Variants in RALYL observed in about 807,000 individuals in gnomAD.
The protein encoded by RALYL is RNA-binding Raly-like protein.
RALYL carries 29 observed loss-of-function variants against 35.1 expected under a neutral mutation model. That is an observed-to-expected ratio of 0.83 (90% CI 0.61 to 1.13). The LOEUF (loss-of-function observed/expected upper bound fraction) is 1.13. Among genes scored for constraint, RALYL ranks in the 50% most tolerant of loss-of-function variants. The pLI, the probability that RALYL is intolerant of heterozygous loss-of-function variation, is 0.00. For missense variants in RALYL, 359 were observed against 360.4 expected (o/e 1.00, Z 0.03); for synonymous variants, 120 against 127.6 (o/e 0.94, Z 0.40).
At chr8:84,743,289 C>T (rs964708058) in intron 2 of RALYL, among the ~76,000 whole-genome samples, 4 of 151,916 alleles carry the variant, frequency 2.6e-5, no homozygotes, top group Non-Finnish European at 5.9e-5. Context: ...GTCCTTTCCT[C>T]TGCTTCAGAG....
intron 1 of RALYL, among the ~76,000 whole-genome samples, chr8:84,379,315 C>T (rs994776293): frequency 6.6e-6 from 1 of 151,858 alleles, no homozygotes; most frequent in Non-Finnish European, 1.5e-5. Flanking sequence ...AGGCCTAGAT[C>T]GTTTTTCACA....
chr8:84,545,944 G>C (rs2060325132), intron 2 of RALYL, among the ~76,000 whole-genome samples: 1 of 151,990 alleles, frequency 6.6e-6, no homozygotes, highest in Non-Finnish European at 1.5e-5. Flanking sequence ...GCTCCAAAAG[G>C]ACTTTGGTAT....
chr8:84,559,875 A>G (rs1442930516), intron 2 of RALYL, among the ~76,000 whole-genome samples: 2 of 151,916 alleles, frequency 1.3e-5, no homozygotes, highest in African/African-American at 2.4e-5. Context: ...GGAGGCTGCT[A>G]GGAGACACTG....
intron 4 of RALYL, among the ~76,000 whole-genome samples, chr8:84,845,802 A>G (rs545158852): frequency 9.9e-5 from 15 of 152,224 alleles, no homozygotes; most frequent in Non-Finnish European, 1.8e-4. Flanking sequence ...TATTCAATCT[A>G]TCTTGAGTCA....
At chr8:84,393,929 C>T (rs61538123) in intron 1 of RALYL, among the ~76,000 whole-genome samples, 4,530 of 152,172 alleles carry the variant, frequency 0.03, 216 homozygotes, top group African/African-American at 0.1. Flanking sequence ...TATCTACTTA[C>T]TTTATTCCTC....
intron 2 of RALYL, among the ~76,000 whole-genome samples, chr8:84,608,941 T>C (rs1221961602): frequency 1.3e-5 from 2 of 152,152 alleles, no homozygotes; most frequent in Non-Finnish European, 2.9e-5. Flanking sequence ...GCTTTTTTTT[T>C]CTTTTTTGTA....
chr8:84,805,342 C>T (rs912980001), intron 4 of RALYL, among the ~76,000 whole-genome samples: 5 of 152,168 alleles, frequency 3.3e-5, no homozygotes, highest in African/African-American at 7.2e-5. Context: ...ATAAGACGAA[C>T]GCTTGCCTGC....
At chr8:84,685,156 A>G (rs999918932) in intron 2 of RALYL, among the ~76,000 whole-genome samples, 1 of 152,160 alleles carries the variant, frequency 6.6e-6, no homozygotes. Context: ...TGGGGTTTTG[A>G]CATGGGAATG....
intron 1 of RALYL, among the ~76,000 whole-genome samples, chr8:84,231,902 T>C (rs1317987192): frequency 3.9e-5 from 6 of 152,120 alleles, no homozygotes; most frequent in Non-Finnish European, 8.8e-5. Flanking sequence ...ATCAGGAAAC[T>C]GAGAAACAAA....
chr8:84,906,890 C>A (rs1190776043), intron 8 of RALYL: 5 of 924,260 alleles, frequency 5.4e-6, no homozygotes, highest in Non-Finnish European at 6.5e-6. Flanking sequence ...CCTTGCCCTG[C>A]CTAAGGATCT....
chr8:84,341,851 T>C (rs955439145), intron 1 of RALYL, among the ~76,000 whole-genome samples: 4 of 152,004 alleles, frequency 2.6e-5, no homozygotes, highest in African/African-American at 9.6e-5. Context: ...GTAATCAATA[T>C]CTATCATTTG....
chr8:84,880,292 G>A (rs937164374), intron 7 of RALYL, among the ~76,000 whole-genome samples: 11 of 152,066 alleles, frequency 7.2e-5, no homozygotes, highest in African/African-American at 2.7e-4. Flanking sequence ...CTAAGGAAAG[G>A]ATGCTCCAGG....
intron 1 of RALYL, among the ~76,000 whole-genome samples, chr8:84,495,326 C>T (rs1242569163): frequency 6.6e-6 from 1 of 152,066 alleles, no homozygotes; most frequent in Non-Finnish European, 1.5e-5. Flanking sequence ...GGTTCTACCT[C>T]TTTTCGGGAT....
intron 6 of RALYL, among the ~76,000 whole-genome samples, chr8:84,864,219 G>GTA (rs1416776136): frequency 6.6e-6 from 1 of 151,820 alleles, no homozygotes; most frequent in Non-Finnish European, 1.5e-5. Flanking sequence ...GTGTGTGTGT[G>GTA]TAAGATGCGA....
chr8:84,372,296 T>C (rs11998502), intron 1 of RALYL, among the ~76,000 whole-genome samples: 25,700 of 151,996 alleles, frequency 0.17, 3,087 homozygotes, highest in African/African-American at 0.35. Flanking sequence ...TTCTGAGAAC[T>C]CTGGCACGTG....
At chr8:84,513,290 G>T (rs1357359669) in intron 1 of RALYL, among the ~76,000 whole-genome samples, 1 of 151,744 alleles carries the variant, frequency 6.6e-6, no homozygotes, top group Non-Finnish European at 1.5e-5. Flanking sequence ...AAATGCTATT[G>T]CTTTCTTTGA....
chr8:84,563,226 C>A (rs915804246), intron 2 of RALYL, among the ~76,000 whole-genome samples: 9 of 151,778 alleles, frequency 5.9e-5, no homozygotes, highest in Non-Finnish European at 1.3e-4. Context: ...GGGACAGATA[C>A]AGATAATTTC....
chr8:84,817,193 C>T lies in RALYL; in HGVS notation c.365+12391C>T, dbSNP rs1286794388. Among the ~76,000 whole-genome samples the T allele has an allele frequency of 2.0e-5, 3 of 152,182 alleles. No homozygotes were observed. In the East Asian group the frequency reaches 5.8e-4, roughly 29 times the overall value. On this transcript the variant is annotated intron_variant, in intron 4 of 8. Transcript: ENST00000521268. ...AGCTGTAGTTCACGAACCCATTTTC[C>T]TTGAGGTTTATTTTCTCCCTTTTCT...
chr8:84,558,459 G>C lies in RALYL; in HGVS notation c.256+28882G>C, dbSNP rs569477783. The stretch of plus-strand genomic sequence containing the variant: ...AATCAGCCTAGTTGTTTCACTTGAA[G>C]ACTTTTTTAGTTATAAGAGATTAGG... On this transcript the variant is annotated intron_variant, in intron 2 of 8. Coordinates refer to ENST00000521268, the MANE Select transcript of RALYL (RefSeq NM_173848.7). Among the ~76,000 whole-genome samples, 26 of 152,140 alleles carry C rather than the reference G, an allele frequency of 1.7e-4. 1 individual carries two copies. The South Asian group carries it at 5.2e-3, about 30-fold the overall frequency.
Sources: gnomAD v4.1 joint callset for allele counts (sites outside exome capture counted in the v4.1 genomes callset) on GRCh38, gnomAD v4.1.1 for gene constraint, MANE v1.5 for transcripts, NCBI Gene and HGNC (gene_info 2026-07-23, HGNC 2026-07-21) for gene names.